The following FLOT2 variants were observed in gnomAD, a reference collection of about 807,000 sequenced individuals.
FLOT2 encodes flotillin-2.
In FLOT2, 35 loss-of-function variants were observed where a neutral mutation model predicts 54.9. That is an observed-to-expected ratio of 0.64 (90% CI 0.49 to 0.84). FLOT2 has a LOEUF of 0.84. FLOT2 is among the 40% of genes least tolerant of loss of function. The pLI is 0.00. For synonymous variants in FLOT2, 207 were observed against 228.9 expected, an observed-to-expected ratio of 0.90 and a Z score of 0.86; for missense variants, 464 against 572.1, an observed-to-expected ratio of 0.81 and a Z score of 1.93.
Position 28,897,396 on chromosome 17 carries a change from G to T in FLOT2, c.49+130C>A. 1.2e-6 allele frequency: 1 copy of T among 823,160 alleles called. No individual in the cohort carries two copies. Among genetic ancestry groups the T allele is most frequent in the Non-Finnish European group, 1.8e-6 (1 of 541,906 alleles). 51.0% of individuals were successfully genotyped at this position (823,160 alleles called of 1,614,324 possible). On this transcript the variant is annotated intron_variant, in intron 1 of 10. Coordinates refer to ENST00000394908, the MANE Select transcript of FLOT2 (RefSeq NM_004475.3). This position sits in a 1 kb window ranked among gnomAD's most constrained non-coding sequence, Gnocchi z 4.4. The stretch of plus-strand genomic sequence containing the variant: ...GAGATCTCTCTTGGAAGGGGCCTCA[G>T]GTGCGGCCCGGGGGCCAGCGCCCTG...
In FLOT2 at chr17:28,897,275, G is replaced by A. The variant is rs929896645; in HGVS notation, c.49+251C>T. 6.6e-6 allele frequency among the ~76,000 whole-genome samples: 1 copy of A among 152,366 alleles called. No individual in the cohort carries two copies. Among genetic ancestry groups the A allele is most frequent in the African/African-American group, 2.4e-5 (1 of 41,596 alleles). On this transcript the variant is annotated intron_variant, in intron 1 of 10. Transcript: ENST00000394908. This position sits in a 1 kb window ranked among gnomAD's most constrained non-coding sequence, Gnocchi z 4.4. The stretch of plus-strand genomic sequence containing the variant: ...AGCGGCGGGGAGGCCCGCCTAGGGA[G>A]GGGGAGGAGAAGCAAATAAACACAG...
chr17:28,894,554 G>A (rs1598103325), intron 1 of FLOT2, among the ~76,000 whole-genome samples: 1 of 151,788 alleles, frequency 6.6e-6, no homozygotes, highest in Non-Finnish European at 1.5e-5. Context: ...AACCTGGTAG[G>A]TGGAGGCTGC....
At position 28,881,892 on chromosome 17, in the gene FLOT2, T is replaced by A. The variant is rs1349628455; in HGVS notation, c.836A>T (p.Asp279Val). Reference sequence around the variant, plus strand: ...GCGCACTGTAGCGATGAGCTCCTTGTCCGTACGCAGGATCTCCTGTGCCTC... The same window carrying A: ...GCGCACTGTAGCGATGAGCTCCTTGACCGTACGCAGGATCTCCTGTGCCTC... ...AVEAQEILRT[D>V]KELIATVRRP... Residue 279 changes from aspartate to valine, a missense_variant, in exon 8 of 11, where the codon GAC becomes GTC. By Grantham distance (152) the Asp-to-Val change is radical. Coordinates refer to ENST00000394908, the MANE Select transcript of FLOT2 (RefSeq NM_004475.3). The A allele has an allele frequency of 3.7e-6, 6 of 1,613,692 alleles. No individual in the cohort carries two copies. The highest frequency in any genetic ancestry group is 5.1e-6 in the Non-Finnish European group (6 of 1,180,050).
chr17:28,883,492 C>T lies in FLOT2; in HGVS notation c.223-261G>A, dbSNP rs1016700522. ...TGGGCATTCGGGGCTTGTCTCCCCA[C>T]CCCTCCAGCCTACTGTCCCCTCACC... On this transcript the variant is annotated intron_variant, in intron 3 of 10. Coordinates refer to ENST00000394908, the MANE Select transcript of FLOT2 (RefSeq NM_004475.3). The surrounding 1 kb of genome is among the most constrained non-coding windows in gnomAD (Gnocchi z 5.0). 1.3e-5 allele frequency among the ~76,000 whole-genome samples: 2 copies of T among 152,182 alleles called. No individual in the cohort carries two copies. Among genetic ancestry groups the T allele is most frequent in the African/African-American group, 4.8e-5 (2 of 41,436 alleles).
rs890556740 is a variant in FLOT2, at chr17:28,879,522, G to C, written c.*1039C>G. ...ACCCCTGCCAAGACGCTTGGGTCCT[G>C]GGCTCTTCTGCCTCCATTGGAGCAA... On this transcript the variant is annotated 3_prime_UTR_variant, in exon 11 of 11. Coordinates refer to ENST00000394908, the MANE Select transcript of FLOT2 (RefSeq NM_004475.3). 5 of 986,008 alleles carry C rather than the reference G, an allele frequency of 5.1e-6. No individual in the cohort carries two copies. The highest frequency in any genetic ancestry group is 6.0e-6 in the Non-Finnish European group (5 of 830,106). 61.1% of individuals were successfully genotyped at this position (986,008 alleles called of 1,614,324 possible).
rs2039496655 is a variant in FLOT2 at position 28,883,851 on chromosome 17, C to T, written c.222+374G>A. Among the ~76,000 whole-genome samples the T allele has an allele frequency of 6.6e-6, 1 of 151,858 alleles. No individual in the cohort carries two copies. The highest frequency in any genetic ancestry group is 2.4e-5 in the African/African-American group (1 of 41,344). On this transcript the variant is annotated intron_variant, in intron 3 of 10. Transcript: ENST00000394908. The surrounding 1 kb of genome is among the most constrained non-coding windows in gnomAD (Gnocchi z 5.0). ...AGAGCTCCTCTGCCTCACATGGCCT[C>T]TCCCTCTGGGCCCCACCCCTCCCAC...
At chr17:28,886,659 G>A (rs1230072269) in intron 2 of FLOT2, among the ~76,000 whole-genome samples, 1 of 152,184 alleles carries the variant, frequency 6.6e-6, no homozygotes, top group Non-Finnish European at 1.5e-5. Flanking sequence ...TCCTGGCTGG[G>A]CCTCCCTAGG....
rs1567928167 is a variant in FLOT2, at chr17:28,880,824, A to G, written c.1137T>C (p.Asp379=). The G allele has an allele frequency of 8.8e-6, 14 of 1,583,934 alleles. No individual in the cohort carries two copies. Among genetic ancestry groups the G allele is most frequent in the African/African-American group, 1.3e-5 (1 of 74,412 alleles). The change falls in exon 10 of 11, where the codon GAT becomes GAC. Residue 379 remains aspartate, a synonymous_variant. Transcript: ENST00000394908. ...AKIAAPLTKV[D]EIVVLSGDNS... is the part of the protein sequence containing the mutation. ...TGTCTCCACTGAGGACCACAATCTC[A>G]TCGACCTTGGTAAGTGGGGCAGCGA...
intron 2 of FLOT2, chr17:28,885,795 A>G (rs1314426461): frequency 1.2e-5 from 14 of 1,144,106 alleles, no homozygotes; most frequent in Middle Eastern, 1.9e-4. Context: ...CCTGTCTGCC[A>G]GGCCCCGCAG....
In FLOT2 at chr17:28,880,432, C is replaced by T; in HGVS notation, c.*129G>A. The stretch of plus-strand genomic sequence containing the variant: ...GGAAGACAGCCAGAGATGGCCTGAA[C>T]ACGCAGCACTTCTGGTCCCTTCGAG... On this transcript the variant is annotated 3_prime_UTR_variant, in exon 11 of 11. Transcript: ENST00000394908. 6.6e-7 allele frequency: 1 copy of T among 1,515,616 alleles called. No individual in the cohort carries two copies. The highest frequency in any genetic ancestry group is 8.8e-7 in the Non-Finnish European group (1 of 1,132,534). The allele number at this position is 1,515,616 out of a possible 1,614,324, so 93.9% of individuals were successfully genotyped here.
intron 2 of FLOT2, 150 bp downstream of exon 2, chr17:28,888,795 G>GT: frequency 5.2e-6 from 3 of 579,702 alleles, no homozygotes; most frequent in Non-Finnish European, 6.3e-6. Context: ...TTCTTAGGAA[G>GT]TCCCCCCCAA....
Position 28,884,401 on chromosome 17 carries a change from G to T in FLOT2, c.132-86C>A. 1.2e-6 allele frequency: 1 copy of T among 814,142 alleles called. No individual in the cohort carries two copies. The highest frequency in any genetic ancestry group is 2.0e-6 in the Non-Finnish European group (1 of 494,710). 50.4% of individuals were successfully genotyped at this position (814,142 alleles called of 1,614,324 possible). ...AAAGAGGCCAGTACCTCACTGCTCC[G>T]GCTGGGTCCTGGTGAGGAAGGTGGA... is the stretch of plus-strand genomic sequence containing the variant. On this transcript the variant is annotated intron_variant, in intron 2 of 10. Coordinates refer to ENST00000394908, the MANE Select transcript of FLOT2 (RefSeq NM_004475.3). This position sits in a 1 kb window ranked among gnomAD's most constrained non-coding sequence, Gnocchi z 5.1.
chr17:28,888,167 AC>A (rs2039580458), intron 2 of FLOT2, among the ~76,000 whole-genome samples: 1 of 151,996 alleles, frequency 6.6e-6, no homozygotes, highest in Non-Finnish European at 1.5e-5. Flanking sequence ...TCCCCTCCCC[AC>A]CGCCCCATCT....
intron 9 of FLOT2, 93 bp downstream of exon 9, chr17:28,881,098 TG>T (rs2039439147): frequency 1.7e-6 from 2 of 1,211,386 alleles, no homozygotes; most frequent in Non-Finnish European, 2.3e-6. Context: ...TCTGTCCCTG[TG>T]TTACTCGCAA....
intron 2 of FLOT2, among the ~76,000 whole-genome samples, chr17:28,888,329 G>A (rs1399667535): frequency 6.6e-6 from 1 of 152,224 alleles, no homozygotes; most frequent in Non-Finnish European, 1.5e-5. Flanking sequence ...GCCCTCTGGG[G>A]AGCTGAAATC....
Position 28,880,547 on chromosome 17 carries a change from G to A in FLOT2, c.*14C>T, listed in dbSNP as rs1458868950. On this transcript the variant is annotated 3_prime_UTR_variant, in exon 11 of 11. Transcript: ENST00000394908. ...GGCCGGGTGGCTGCTGAAGAGAGTG[G>A]GCCTGCAGGAGCCTCACACCTGCAC... is the stretch of plus-strand genomic sequence containing the variant. 1.2e-6 allele frequency: 2 copies of A among 1,612,978 alleles called. No homozygotes were observed. Among genetic ancestry groups the A allele is most frequent in the Admixed American group, 1.7e-5 (1 of 59,810 alleles).
In FLOT2 at chr17:28,883,150, C is replaced by T. The variant is rs746898428; in HGVS notation, c.304G>A (p.Val102Ile). Residue 102 changes from valine to isoleucine, a missense_variant, in exon 4 of 11, where the codon GTC becomes ATC. By Grantham distance (29) the Val-to-Ile change is conservative. Transcript: ENST00000394908. The surrounding 1 kb of genome is among the most constrained non-coding windows in gnomAD (Gnocchi z 5.0). ...LGKNVQDIKN[V>I]VLQTLEGHLR... ...TGTCCCTCCAGGGTCTGCAGGACGA[C>T]GTTTTTGATGTCCTGCACATTCTTA... 16 of 1,614,104 alleles carry T rather than the reference C, an allele frequency of 9.9e-6. No homozygotes were observed. Among genetic ancestry groups the T allele is most frequent in the Non-Finnish European group, 1.3e-5 (15 of 1,180,022 alleles).
At chr17:28,894,643 T>TA (rs2039711549) in intron 1 of FLOT2, among the ~76,000 whole-genome samples, 1 of 74,078 alleles carries the variant, frequency 1.3e-5, no homozygotes, top group African/African-American at 4.2e-5. Context: ...TTTTTTTTTT[T>TA]AAATACTGAG....
In FLOT2 at chr17:28,884,158, C is replaced by A; in HGVS notation, c.222+67G>T. Reference sequence around the variant, plus strand: ...CCCCTGGCTGCTGTCCTCTCCTCCTCCCCCCGAACCCGAGTACGGGACCAG... The same window carrying A: ...CCCCTGGCTGCTGTCCTCTCCTCCTACCCCCGAACCCGAGTACGGGACCAG... On this transcript the variant is annotated intron_variant, in intron 3 of 10. Transcript: ENST00000394908. This position sits in a 1 kb window ranked among gnomAD's most constrained non-coding sequence, Gnocchi z 5.1. 1 of 1,188,278 alleles carries A rather than the reference C, an allele frequency of 8.4e-7. No individual in the cohort carries two copies. 73.6% of individuals were successfully genotyped at this position (1,188,278 alleles called of 1,614,324 possible).
Sources: gnomAD v4.1 joint callset for allele counts (sites outside exome capture counted in the v4.1 genomes callset) on GRCh38, gnomAD v4.1.1 for gene constraint, Gnocchi (gnomAD v3.1) non-coding constraint, MANE v1.5 for transcripts, NCBI Gene and HGNC (gene_info 2026-07-23, HGNC 2026-07-21) for gene names.